Variants in MXD3 observed in about 807,000 individuals in gnomAD.
The protein encoded by MXD3 is MAX dimerization protein 3.
MXD3 carries 20 observed loss-of-function variants against 27.5 expected under a neutral mutation model. The ratio of observed to expected loss-of-function variants is 0.73; its 90% CI spans 0.51 to 1.06. The LOEUF (loss-of-function observed/expected upper bound fraction) is 1.06. Among genes scored for constraint, MXD3 ranks in the 50% least tolerant of loss-of-function variants. The pLI, the probability that MXD3 is intolerant of heterozygous loss-of-function variation, is 0.00. For missense variants in MXD3, 298 were observed against 291.3 expected, an observed-to-expected ratio of 1.02 and a Z score of -0.17; for synonymous variants, 150 against 130.7, an observed-to-expected ratio of 1.15 and a Z score of -1.01.
Position 177,307,677 on chromosome 5 carries a change from G to C in MXD3, c.532C>G (p.Leu178Val), listed in dbSNP as rs761034417. 1.2e-6 allele frequency: 2 copies of C among 1,613,708 alleles called. No individual in the cohort carries two copies. Among genetic ancestry groups the C allele is most frequent in the Non-Finnish European group, 1.7e-6 (2 of 1,179,932 alleles). ...QEELEVDVESLVFGGEAELLR... is the reference protein window; with the variant it reads ...QEELEVDVESVVFGGEAELLR... The stretch of plus-strand genomic sequence containing the variant: ...AGCTCGGCCTCACCCCCAAACACCA[G>C]GCTCTCCACATCCACCTCCAGCTCC... The change falls in exon 6 of 6, where the codon CTG (leucine) becomes GTG (valine). Residue 178 changes from leucine (L) to valine (V), a missense_variant. Leu to Val is a conservative substitution (Grantham distance 32, BLOSUM62 1). Coordinates refer to ENST00000439742, the MANE Select transcript of MXD3 (RefSeq NM_031300.4).
chr5:177,309,179 T>G (rs958084146), intron 4 of MXD3, among the ~76,000 whole-genome samples: 6 of 152,154 alleles, frequency 3.9e-5, no homozygotes, highest in East Asian at 1.9e-4. Flanking sequence ...GGCCTTGAGT[T>G]TCACAGGAAG....
Position 177,310,979 on chromosome 5 carries a change from A to C in MXD3, c.177-282T>G, listed in dbSNP as rs114226928. 2.4e-3 allele frequency: 1,400 copies of C among 581,992 alleles called. 15 individuals are homozygous for C. The highest frequency in any genetic ancestry group is 0.023 in the African/African-American group (1,169 of 51,302). 36.1% of individuals were successfully genotyped at this position (581,992 alleles called of 1,614,324 possible). On this transcript the variant is annotated intron_variant, in intron 2 of 5. Coordinates refer to ENST00000439742, the MANE Select transcript of MXD3 (RefSeq NM_031300.4). Reference sequence around the variant, plus strand: ...AAAGGACCTCCCAGAGGTGACAGCTAACTGCGGAAACAGATGTTTCCCAAG... The same window carrying C: ...AAAGGACCTCCCAGAGGTGACAGCTCACTGCGGAAACAGATGTTTCCCAAG...
Position 177,307,824 on chromosome 5 carries a change from C to T in MXD3, c.462G>A (p.Leu154=), listed in dbSNP as rs1453507081. The stretch of plus-strand genomic sequence containing the variant: ...GCTCAGAGGAGAGGCCTGAGGAGTC[C>T]AGACTGTCCGCCCGCAGCCGCTCCC... ...AERERLRADS[L]DSSGLSSERS... Residue 154 remains leucine (L), a synonymous_variant, in exon 5 of 6, where the codon CTG becomes CTA. Coordinates refer to ENST00000439742, the MANE Select transcript of MXD3 (RefSeq NM_031300.4). The T allele has an allele frequency of 1.2e-6, 2 of 1,612,540 alleles. No homozygotes were observed. The highest frequency in any genetic ancestry group is 1.1e-5 in the South Asian group (1 of 91,060).
rs1194327140 is a variant in MXD3, at chr5:177,311,489, CAG to C, written c.71-7_71-6del. On this transcript the variant is annotated splice_polypyrimidine_tract_variant and splice_region_variant and intron_variant, in intron 1 of 5. Transcript: ENST00000439742. ...ACGCATAACCATGCTCGGCCTCTGC[CAG>C]AGAGAGTCCCCGCCCGCGTCAGGCT... is the stretch of plus-strand genomic sequence containing the variant. 147 of 1,432,746 alleles carry C rather than the reference CAG, an allele frequency of 1.0e-4. No individual in the cohort carries two copies. The Middle Eastern group carries it at 5.5e-3, about 54-fold the overall frequency. The allele number at this position is 1,432,746 out of a possible 1,614,324, so 88.8% of individuals were successfully genotyped here.
intron 2 of MXD3, 42 bp downstream of exon 2, chr5:177,311,337 G>GCCGACC: frequency 7.6e-7 from 1 of 1,317,608 alleles, no homozygotes; most frequent in Non-Finnish European, 1.0e-6. Context: ...CAGGGGCGGC[G>GCCGACC]CCCACCCCCA....
chr5:177,312,575 A>G, upstream of MXD3: 12 of 985,444 alleles, frequency 1.2e-5, no homozygotes, highest in Non-Finnish European at 1.4e-5. Flanking sequence ...TCTGTCCCCA[A>G]GCCTGCCTGC....
In MXD3 at chr5:177,307,894, T is replaced by C. The variant is rs751668577; in HGVS notation, c.392A>G (p.Gln131Arg). 3 of 1,604,274 alleles carry C rather than the reference T, an allele frequency of 1.9e-6. No individual in the cohort carries two copies. The highest frequency in any genetic ancestry group is 2.6e-6 in the Non-Finnish European group (3 of 1,176,222). The stretch of plus-strand genomic sequence containing the variant: ...CCCCCGGAGCTGCTCCAGCTGCCGC[T>C]GCAGGCTCTGCTGCTTGCTGCGCAG... ...ERLRSKQQSL[Q>R]RQLEQLRGLA... Residue 131 changes from glutamine (Q) to arginine (R), a missense_variant, in exon 5 of 6, where the codon CAG (glutamine) becomes CGG (arginine). Physicochemically the swap from Gln to Arg is conservative, Grantham distance 43 (BLOSUM62 1). Coordinates refer to ENST00000439742, the MANE Select transcript of MXD3 (RefSeq NM_031300.4).
At chr5:177,311,933 G>GCCCGC, upstream of MXD3, 1 of 1,364,338 alleles carries the variant, frequency 7.3e-7, no homozygotes, top group Non-Finnish European at 9.5e-7. Flanking sequence ...AAACACAGGG[G>GCCCGC]CCCGCCCCGC....
chr5:177,307,101 C>T (rs375912086), downstream of MXD3: 15 of 1,493,194 alleles, frequency 1.0e-5, no homozygotes, highest in African/African-American at 1.8e-4. Flanking sequence ...AGTGCACTGC[C>T]TGGCACGGCC....
At chr5:177,306,261 T>C, downstream of MXD3, 2 of 1,555,616 alleles carry the variant, frequency 1.3e-6, no homozygotes, top group Non-Finnish European at 1.8e-6. Flanking sequence ...GTCATTGCCC[T>C]GCTCTGAGCT....
chr5:177,307,488 C>T lies in MXD3; in HGVS notation c.*100G>A. On this transcript the variant is annotated 3_prime_UTR_variant, in exon 6 of 6. Transcript: ENST00000439742. ...CAAGGGTCCTTTTAGTCCATTCCAA[C>T]AGGTGACTCCGAGCAGCCCTGAAGG... The T allele has an allele frequency of 6.5e-7, 1 of 1,546,118 alleles. No homozygotes were observed. Among genetic ancestry groups the T allele is most frequent in the South Asian group, 1.2e-5 (1 of 84,930 alleles).
At chr5:177,305,729 G>A, downstream of MXD3, 1 of 693,126 alleles carries the variant, frequency 1.4e-6, no homozygotes, top group Non-Finnish European at 2.5e-6. Flanking sequence ...TGTTCTGTCA[G>A]TGCCACTTGG....
chr5:177,307,708 G>C lies in MXD3; in HGVS notation c.506-5C>G. 2 of 1,613,732 alleles carry C rather than the reference G, an allele frequency of 1.2e-6. No homozygotes were observed. The highest frequency in any genetic ancestry group is 1.7e-6 in the Non-Finnish European group (2 of 1,179,920). On this transcript the variant is annotated splice_polypyrimidine_tract_variant and splice_region_variant and intron_variant, in intron 5 of 5. Coordinates refer to ENST00000439742, the MANE Select transcript of MXD3 (RefSeq NM_031300.4). The stretch of plus-strand genomic sequence containing the variant: ...CCACATCCACCTCCAGCTCCTCTGC[G>C]CGGGGAGGGGTCCGGTCAGAAGACC...
chr5:177,308,701 A>T (rs924033682), intron 4 of MXD3, among the ~76,000 whole-genome samples: 2 of 152,158 alleles, frequency 1.3e-5, no homozygotes, highest in Admixed American at 1.3e-4. Context: ...AGCTAGCTGG[A>T]AAGTCAGATT....
chr5:177,306,670 T>A, downstream of MXD3: 1 of 1,483,898 alleles, frequency 6.7e-7, no homozygotes, highest in South Asian at 1.3e-5. Flanking sequence ...CAGCCCTGTC[T>A]GCTGTCTACG....
chr5:177,308,190 G>C (rs1760940132), intron 4 of MXD3: 1 of 546,258 alleles, frequency 1.8e-6, no homozygotes, highest in Non-Finnish European at 3.3e-6. Flanking sequence ...GGGGGTGGGG[G>C]GGCACCACAA....
downstream of MXD3, chr5:177,306,205 C>A: frequency 6.2e-7 from 1 of 1,600,446 alleles, no homozygotes; most frequent in Non-Finnish European, 8.6e-7. Context: ...GGATATTCCT[C>A]ATAGGGAGAG....
At position 177,311,205 on chromosome 5, in the gene MXD3, G is replaced by C. The variant is rs529669065; in HGVS notation, c.176+174C>G. On this transcript the variant is annotated intron_variant, in intron 2 of 5. Coordinates refer to ENST00000439742, the MANE Select transcript of MXD3 (RefSeq NM_031300.4). ...GGTGCTCAAGAAATAGTCCTTGAAT[G>C]AATAGAAAGGTGTGAGTGTGTTTGG... 2.1e-5 allele frequency: 11 copies of C among 520,304 alleles called. No homozygotes were observed. In the East Asian group the frequency reaches 3.0e-4, roughly 14 times the overall value. 32.2% of individuals were successfully genotyped at this position (520,304 alleles called of 1,614,324 possible).
downstream of MXD3, chr5:177,306,626 C>T: frequency 6.4e-7 from 1 of 1,563,538 alleles, no homozygotes. Flanking sequence ...CTCTGCCCTC[C>T]CTTCATTGTA....
Sources: gnomAD v4.1 joint callset for allele counts (sites outside exome capture counted in the v4.1 genomes callset) on GRCh38, gnomAD v4.1.1 for gene constraint, MANE v1.5 for transcripts, NCBI Gene and HGNC (gene_info 2026-07-23, HGNC 2026-07-21) for gene names.